Variants in MANBA observed in about 807,000 individuals in gnomAD.
The protein encoded by MANBA is beta-mannosidase.
Under a neutral mutation model 111.1 loss-of-function variants are expected in MANBA, and 83 were observed. The observed-to-expected ratio is 0.75, with a 90% CI of 0.63 to 0.90. The LOEUF (loss-of-function observed/expected upper bound fraction) is 0.90, where lower values mean the gene tolerates loss of function less well. MANBA is among the 40% of genes least tolerant of loss of function. MANBA has a pLI of 0.00. For synonymous variants in MANBA, 370 were observed against 378.7 expected, an observed-to-expected ratio of 0.98 and a Z score of 0.27; for missense variants, 1,036 against 1,069.0, an observed-to-expected ratio of 0.97 and a Z score of 0.43.
intron 1 of MANBA, among the ~76,000 whole-genome samples, chr4:102,742,854 T>C (rs1368827943): frequency 6.6e-6 from 1 of 152,192 alleles, no homozygotes; most frequent in African/African-American, 2.4e-5. Flanking sequence ...AGCTGGCTGA[T>C]CACCCCCAGG....
chr4:102,632,404 C>G (rs1729426951), intron 16 of MANBA, 123 bp from the exon 17 acceptor site: 1 of 763,054 alleles, frequency 1.3e-6, no homozygotes, highest in East Asian at 2.7e-5. Flanking sequence ...AACTTTGGTT[C>G]TACAACTGCT....
At chr4:102,704,778 T>G (rs1733224244) in intron 5 of MANBA, among the ~76,000 whole-genome samples, 1 of 152,260 alleles carries the variant, frequency 6.6e-6, no homozygotes, top group Admixed American at 6.5e-5. Context: ...TAGAACTCTT[T>G]TAATGCTCTC....
intron 4 of MANBA, chr4:102,722,554 T>C (rs531287575): frequency 4.2e-5 from 14 of 332,680 alleles, no homozygotes; most frequent in African/African-American, 3.0e-4. Flanking sequence ...TTTCACAATC[T>C]GGTGAAAAGT....
At chr4:102,750,913 A>T (rs1417614802) in intron 1 of MANBA, among the ~76,000 whole-genome samples, 2 of 152,120 alleles carry the variant, frequency 1.3e-5, no homozygotes, top group Non-Finnish European at 2.9e-5. Flanking sequence ...ACCCTATCTC[A>T]AAAAACAAAA....
At chr4:102,743,148 G>A (rs1723468726) in intron 1 of MANBA, among the ~76,000 whole-genome samples, 1 of 152,198 alleles carries the variant, frequency 6.6e-6, no homozygotes. Flanking sequence ...GTACTCACAT[G>A]GGATACAAAT....
chr4:102,674,324 A>T (rs1423033406), intron 7 of MANBA, among the ~76,000 whole-genome samples: 5 of 152,212 alleles, frequency 3.3e-5, no homozygotes, highest in Non-Finnish European at 4.4e-5. Context: ...TTCCACATGA[A>T]ATAGGCATTT....
At chr4:102,689,946 C>T (rs1031641812) in intron 6 of MANBA, among the ~76,000 whole-genome samples, 6 of 152,116 alleles carry the variant, frequency 3.9e-5, no homozygotes, top group Non-Finnish European at 4.4e-5. Context: ...AAACAACTCT[C>T]CCTATCCCTA....
At chr4:102,725,600 A>G (rs932434514) in intron 2 of MANBA, among the ~76,000 whole-genome samples, 2 of 152,242 alleles carry the variant, frequency 1.3e-5, no homozygotes, top group South Asian at 2.1e-4. Flanking sequence ...ACGAATACCT[A>G]TCTTGGCACA....
intron 4 of MANBA, among the ~76,000 whole-genome samples, chr4:102,715,500 T>G (rs1722284427): frequency 6.6e-6 from 1 of 152,236 alleles, no homozygotes; most frequent in Non-Finnish European, 1.5e-5. Flanking sequence ...TATTTTCTTT[T>G]TTTAACTTTT....
chr4:102,703,498 GA>G (rs1426358469), intron 5 of MANBA, among the ~76,000 whole-genome samples: 3 of 152,170 alleles, frequency 2.0e-5, no homozygotes, highest in Admixed American at 6.5e-5. Context: ...TACAAGATTA[GA>G]AATTACAGTT....
In MANBA at chr4:102,737,032, C is replaced by T. The variant is rs188458026; in HGVS notation, c.178-10349G>A. 3.2e-3 allele frequency among the ~76,000 whole-genome samples: 485 copies of T among 152,114 alleles called. 5 individuals are homozygous for T. The highest frequency in any genetic ancestry group is 0.011 in the African/African-American group (440 of 41,496). The stretch of plus-strand genomic sequence containing the variant: ...GGAGCCAAGCAAAATATAATAGTAC[C>T]GAGAAAAGAAGCACCGGAAAGAGCG... On this transcript the variant is annotated intron_variant, in intron 1 of 16. Coordinates refer to ENST00000647097, the MANE Select transcript of MANBA (RefSeq NM_005908.4).
intron 3 of MANBA, 142 bp from the exon 4 acceptor site, chr4:102,723,183 T>A (rs759760846): frequency 4.0e-6 from 3 of 752,198 alleles, no homozygotes; most frequent in Non-Finnish European, 6.9e-6. Context: ...GGAACACTTC[T>A]CTGAAACACT....
intron 13 of MANBA, among the ~76,000 whole-genome samples, chr4:102,643,909 A>T (rs1729990762): frequency 6.6e-6 from 1 of 152,172 alleles, no homozygotes; most frequent in Non-Finnish European, 1.5e-5. Flanking sequence ...TTTTGATGAC[A>T]TACAATTTGC....
intron 11 of MANBA, chr4:102,662,537 A>T (rs1237156301): frequency 1.5e-5 from 2 of 137,510 alleles, no homozygotes; most frequent in African/African-American, 5.5e-5. Context: ...GATGAGACAG[A>T]TGAGACTCCA....
chr4:102,695,536 A>G (rs1732667631), intron 5 of MANBA, among the ~76,000 whole-genome samples: 1 of 152,160 alleles, frequency 6.6e-6, no homozygotes, highest in Non-Finnish European at 1.5e-5. Context: ...TTGGGTGGTA[A>G]TGACTATTCT....
At chr4:102,739,958 G>C (rs1260202767) in intron 1 of MANBA, among the ~76,000 whole-genome samples, 1 of 152,172 alleles carries the variant, frequency 6.6e-6, no homozygotes, top group Non-Finnish European at 1.5e-5. Flanking sequence ...TCAGACAAGA[G>C]AAAGAAATAA....
intron 5 of MANBA, among the ~76,000 whole-genome samples, chr4:102,699,721 G>A (rs1234167879): frequency 6.6e-6 from 1 of 150,842 alleles, no homozygotes; most frequent in African/African-American, 2.4e-5. Context: ...CTTGATCATG[G>A]TGGATAAGCT....
chr4:102,671,378 G>A lies in MANBA; in HGVS notation c.1133C>T (p.Ser378Phe), dbSNP rs1731489508. 1.2e-6 allele frequency: 2 copies of A among 1,603,062 alleles called. No individual in the cohort carries two copies. Among genetic ancestry groups the A allele is most frequent in the South Asian group, 2.2e-5 (2 of 90,830 alleles). Residue 378 changes from serine (S) to phenylalanine (F), a missense_variant, in exon 9 of 17, where the codon TCT (serine) becomes TTT (phenylalanine). Physicochemically the swap from Ser to Phe is radical, Grantham distance 155. Coordinates refer to ENST00000647097, the MANE Select transcript of MANBA (RefSeq NM_005908.4). ...AGTATTCATATTAGCATCCACAACA[G>A]ACTGTAAAAGGAGCCGTAACCTGTA... Reference protein sequence around the residue: ...TSELLRLLLQSVVDANMNTLR... With the variant: ...TSELLRLLLQFVVDANMNTLR...
At chr4:102,729,140 G>A (rs2110197997) in intron 1 of MANBA, 2 of 727,980 alleles carry the variant, frequency 2.7e-6, no homozygotes, top group East Asian at 5.3e-5. Flanking sequence ...ATCCTTAACA[G>A]CCAGCCCCCT....
Sources: allele counts gnomAD v4.1 joint callset (sites outside exome capture counted in the v4.1 genomes callset), GRCh38; gene constraint gnomAD v4.1.1; transcripts MANE v1.5; gene names NCBI Gene and HGNC (gene_info 2026-07-23, HGNC 2026-07-21).